Variants in PCDH15 observed in about 807,000 individuals in gnomAD.
PCDH15 encodes the protein protocadherin-15.
PCDH15 carries 129 observed loss-of-function variants against 178.5 expected under a neutral mutation model. That is an observed-to-expected ratio of 0.72 (90% CI 0.63 to 0.84). The LOEUF (loss-of-function observed/expected upper bound fraction) is 0.84, where lower values mean the gene tolerates loss of function less well. Among genes scored for constraint, PCDH15 ranks in the 40% least tolerant of loss-of-function variants. The pLI is 0.00. For missense variants in PCDH15, 2,230 were observed against 2,099.9 expected (o/e 1.06, Z -1.21); for synonymous variants, 800 against 732.0 (o/e 1.09, Z -1.50).
At chr10:54,540,357 AT>A (rs1652932861) in intron 2 of PCDH15, among the ~76,000 whole-genome samples, 1 of 151,836 alleles carries the variant, frequency 6.6e-6, no homozygotes. Context: ...ACACAAAAAA[AT>A]CCTCAGAGAC....
At chr10:54,307,474 A>G (rs1013507295) in intron 8 of PCDH15, among the ~76,000 whole-genome samples, 1 of 151,616 alleles carries the variant, frequency 6.6e-6, no homozygotes, top group Non-Finnish European at 1.5e-5. Context: ...GGAAAACATT[A>G]CCATAATCTA....
chr10:55,141,818 C>T (rs1422789320), intron 2 of PCDH15, among the ~76,000 whole-genome samples: 1 of 151,586 alleles, frequency 6.6e-6, no homozygotes, highest in Non-Finnish European at 1.5e-5. Context: ...GAGCTGTTTT[C>T]ACCTTAGAGG....
At chr10:55,415,590 C>T (rs1227574444) in intron 2 of PCDH15, among the ~76,000 whole-genome samples, 2 of 151,630 alleles carry the variant, frequency 1.3e-5, no homozygotes, top group Non-Finnish European at 3.0e-5. Flanking sequence ...TATTAACTAG[C>T]TATAGTAAAT....
At chr10:53,823,014 T>C (rs2076405300) in intron 32 of PCDH15, 2 of 1,614,100 alleles carry the variant, frequency 1.2e-6, no homozygotes, top group Non-Finnish European at 1.7e-6. Context: ...CCACAGCCTC[T>C]GAATCTTTTC....
intron 3 of PCDH15, among the ~76,000 whole-genome samples, chr10:54,408,154 T>C (rs536071367): frequency 6.7e-6 from 1 of 150,032 alleles, no homozygotes; most frequent in African/African-American, 2.5e-5. Flanking sequence ...GGAACATAAT[T>C]AGCTGTTTTT....
At chr10:55,282,641 A>G (rs1025811050) in intron 1 of PCDH15, among the ~76,000 whole-genome samples, 1 of 152,192 alleles carries the variant, frequency 6.6e-6, no homozygotes, top group Non-Finnish European at 1.5e-5. Context: ...ATGTTTATTT[A>G]CAAATATAAT....
intron 1 of PCDH15, among the ~76,000 whole-genome samples, chr10:55,289,853 T>A (rs554638511): frequency 3.9e-4 from 59 of 152,180 alleles, no homozygotes; most frequent in Non-Finnish European, 5.9e-4. Context: ...AGGGTGTGAG[T>A]TCTCTTGGGA....
chr10:54,755,024 C>T (rs1029833425), intron 1 of PCDH15, among the ~76,000 whole-genome samples: 1 of 143,668 alleles, frequency 7.0e-6, no homozygotes, highest in Non-Finnish European at 1.5e-5. Flanking sequence ...TCTTGGCTCA[C>T]TGCAACCTCT....
rs1268755380 is a variant in PCDH15 at position 53,840,177 on chromosome 10, G to C, written c.3983+143C>G. The C allele has an allele frequency of 6.0e-6, 5 of 839,562 alleles. No homozygotes were observed. In the African/African-American group the frequency reaches 1.6e-4, roughly 27 times the overall value. The allele number at this position is 839,562 out of a possible 1,614,324, so 52.0% of individuals were successfully genotyped here. ...AAACTTTAAGGCATGAGAATCCTAGGTATTTCAGGTTCTTTGCTTACACTT... is the reference window on the plus strand; with the variant it reads ...AAACTTTAAGGCATGAGAATCCTAGCTATTTCAGGTTCTTTGCTTACACTT... On this transcript the variant is annotated intron_variant, in intron 29 of 37. Transcript: ENST00000644397.
At chr10:54,176,446 C>T (rs958320397) in intron 13 of PCDH15, among the ~76,000 whole-genome samples, 1 of 152,054 alleles carries the variant, frequency 6.6e-6, no homozygotes, top group East Asian at 1.9e-4. Context: ...AAAGATACAA[C>T]TTGGATCAAA....
At chr10:55,580,360 A>ATTT (rs71017103) in intron 2 of PCDH15, among the ~76,000 whole-genome samples, 1 of 131,612 alleles carries the variant, frequency 7.6e-6, no homozygotes, top group East Asian at 2.3e-4. Context: ...TTATTTTTTT[A>ATTT]TTTTTTTTTT....
chr10:55,365,196 C>T (rs1316644391), intron 2 of PCDH15, among the ~76,000 whole-genome samples: 2 of 152,098 alleles, frequency 1.3e-5, no homozygotes, highest in African/African-American at 4.8e-5. Flanking sequence ...GAAGATGGCC[C>T]ACCATGCACC....
At chr10:54,747,133 C>A (rs907475337) in intron 1 of PCDH15, among the ~76,000 whole-genome samples, 1 of 152,120 alleles carries the variant, frequency 6.6e-6, no homozygotes, top group African/African-American at 2.4e-5. Flanking sequence ...TCCAGACTTT[C>A]AGAAATAAAG....
rs559130985 is a variant in PCDH15 at position 53,827,437 on chromosome 10, AGGCGGCGGC to A, written c.4314_4322del (p.Pro1441_Pro1443del). ...CTTCATAGAGATGCGCACCTGGCGG[AGGCGGCGGC>A]GGCGGCGGGGGCGCTGCCACTGGTG... On this transcript the variant is annotated inframe_deletion, in exon 32 of 38. Transcript: ENST00000644397. 55 of 1,612,686 alleles carry A rather than the reference AGGCGGCGGC, an allele frequency of 3.4e-5. No homozygotes were observed. The highest frequency in any genetic ancestry group is 8.4e-5 in the Admixed American group (5 of 59,844).
At chr10:54,192,154 A>AAGAGAAAG (rs1554832302) in intron 11 of PCDH15, among the ~76,000 whole-genome samples, 1 of 132,566 alleles carries the variant, frequency 7.5e-6, no homozygotes, top group African/African-American at 3.0e-5. Flanking sequence ...GAAAGAAAGA[A>AAGAGAAAG]AAAGAAAGAA....
chr10:55,502,555 T>C (rs780832246), intron 2 of PCDH15, among the ~76,000 whole-genome samples: 11 of 151,738 alleles, frequency 7.2e-5, no homozygotes, highest in Non-Finnish European at 1.2e-4. Context: ...TTTTCACACT[T>C]CCTTTTTAAC....
At chr10:55,186,364 GT>G (rs1839799892) in intron 1 of PCDH15, among the ~76,000 whole-genome samples, 1 of 150,842 alleles carries the variant, frequency 6.6e-6, no homozygotes, top group Admixed American at 6.6e-5. Flanking sequence ...CAATTGAACT[GT>G]TTAAAACAGC....
intron 1 of PCDH15, among the ~76,000 whole-genome samples, chr10:54,744,406 CAAAT>C (rs777141565): frequency 6.6e-6 from 1 of 151,296 alleles, no homozygotes; most frequent in African/African-American, 2.4e-5. Flanking sequence ...ATCTGTTAAA[CAAAT>C]AAATAGTACA....
intron 2 of PCDH15, among the ~76,000 whole-genome samples, chr10:55,358,633 T>A (rs1488729054): frequency 6.6e-6 from 1 of 152,138 alleles, no homozygotes; most frequent in Admixed American, 6.6e-5. Context: ...TTATCTTGGA[T>A]AATTTTAATA....
Sources: gnomAD v4.1 joint callset for allele counts (sites outside exome capture counted in the v4.1 genomes callset) on GRCh38, gnomAD v4.1.1 for gene constraint, MANE v1.5 for transcripts, NCBI Gene and HGNC (gene_info 2026-07-23, HGNC 2026-07-21) for gene names.